The following NECTIN1 variants were observed in gnomAD, a reference collection of about 807,000 sequenced individuals.
NECTIN1 encodes the protein nectin cell adhesion molecule 1, also known as nectin-1.
In NECTIN1, 23 loss-of-function variants were observed where a neutral mutation model predicts 48.0. The ratio of observed to expected loss-of-function variants is 0.48; its 90% confidence interval spans 0.34 to 0.68. NECTIN1 has a LOEUF of 0.68. NECTIN1 is among the 30% of genes least tolerant of loss of function. The probability of loss-of-function intolerance (pLI) is 0.01; values close to 1 mark genes in which losing one functional copy is unlikely to be tolerated. For synonymous variants in NECTIN1, 270 were observed against 288.9 expected, an observed-to-expected ratio of 0.93 and a Z score of 0.66; for missense variants, 591 against 709.9, an observed-to-expected ratio of 0.83 and a Z score of 1.90.
At chr11:119,697,129 C>A (rs925852395) in intron 1 of NECTIN1, among the ~76,000 whole-genome samples, 1 of 151,714 alleles carries the variant, frequency 6.6e-6, no homozygotes, top group Non-Finnish European at 1.5e-5. Context: ...GCGGGGAGGT[C>A]GAGGTGAGGA....
At chr11:119,679,124 G>A (rs1865015329) in intron 1 of NECTIN1, among the ~76,000 whole-genome samples, 1 of 152,172 alleles carries the variant, frequency 6.6e-6, no homozygotes, top group Non-Finnish European at 1.5e-5. Context: ...ACATCACTCT[G>A]TGTTAGTAAA....
chr11:119,644,376 C>G (rs1410443814), intron 5 of NECTIN1, among the ~76,000 whole-genome samples: 2 of 152,210 alleles, frequency 1.3e-5, no homozygotes, highest in Admixed American at 6.5e-5. Flanking sequence ...AAGTAGCCAG[C>G]AATCTTCACC....
At chr11:119,697,953 A>G (rs879329926) in intron 1 of NECTIN1, among the ~76,000 whole-genome samples, 2 of 152,238 alleles carry the variant, frequency 1.3e-5, no homozygotes, top group Non-Finnish European at 2.9e-5. Flanking sequence ...GCCCAGCCTG[A>G]GTCTTCTCCC....
intron 1 of NECTIN1, among the ~76,000 whole-genome samples, chr11:119,706,276 AG>A (rs1159708846): frequency 6.6e-6 from 1 of 152,198 alleles, no homozygotes; most frequent in East Asian, 1.9e-4. Flanking sequence ...CCAAGATTAA[AG>A]GCAATTAGAC....
chr11:119,648,194 GT>G (rs2135528937), intron 5 of NECTIN1, among the ~76,000 whole-genome samples: 1 of 138,900 alleles, frequency 7.2e-6, no homozygotes, highest in South Asian at 2.5e-4. Flanking sequence ...TGGTGGTGGT[GT>G]GATGGTACTG....
chr11:119,701,205 T>C (rs891458277), intron 1 of NECTIN1, among the ~76,000 whole-genome samples: 11 of 152,196 alleles, frequency 7.2e-5, no homozygotes, highest in Admixed American at 6.5e-4. Context: ...TTGCTTGTTA[T>C]AGCTCTTGGG....
In NECTIN1 at chr11:119,661,354, G is replaced by C. The variant is rs1864660477; in HGVS notation, c.*3393C>G. The C allele has an allele frequency of 2.0e-6, 2 of 986,554 alleles. No homozygotes were observed. The highest frequency in any genetic ancestry group is 3.5e-5 in the African/African-American group (2 of 57,390). The allele number at this position is 986,554 out of a possible 1,614,324, so 61.1% of individuals were successfully genotyped here. ...TGGCCTCACAAGCTGGGCAGTGTTG[G>C]CAGCAGTGGCAGCAGCAGAGGGGCC... On this transcript the variant is annotated 3_prime_UTR_variant, in exon 6 of 6. Transcript: ENST00000264025.
chr11:119,727,816 G>A lies in NECTIN1; in HGVS notation c.79+659C>T, dbSNP rs530716373. 2.1e-4 allele frequency among the ~76,000 whole-genome samples: 32 copies of A among 152,352 alleles called. No individual in the cohort carries two copies. Among genetic ancestry groups the A allele is most frequent in the African/African-American group, 7.5e-4 (31 of 41,584 alleles). Reference sequence around the variant, plus strand: ...GTGTCTCCTCCAGGGAGAGCCCCCAGAGCTGGGAGCAGAGTTCCGAGGGGG... The same window carrying A: ...GTGTCTCCTCCAGGGAGAGCCCCCAAAGCTGGGAGCAGAGTTCCGAGGGGG... On this transcript the variant is annotated intron_variant, in intron 1 of 5. Transcript: ENST00000264025. This position sits in a 1 kb window ranked among gnomAD's most constrained non-coding sequence, Gnocchi z 4.1.
At position 119,684,559 on chromosome 11, in the gene NECTIN1, G is replaced by T. The variant is rs1865122327; in HGVS notation, c.80-5794C>A. Among the ~76,000 whole-genome samples, 1 of 152,158 alleles carries T rather than the reference G, an allele frequency of 6.6e-6. No individual in the cohort carries two copies. Among genetic ancestry groups the T allele is most frequent in the Non-Finnish European group, 1.5e-5 (1 of 68,014 alleles). ...ATGTCCGGTGAGAAACCGGCTAAGTGGTAAGTGGGAGTGACTCACCCACTG... is the reference window on the plus strand; with the variant it reads ...ATGTCCGGTGAGAAACCGGCTAAGTTGTAAGTGGGAGTGACTCACCCACTG... On this transcript the variant is annotated intron_variant, in intron 1 of 5. Coordinates refer to ENST00000264025, the MANE Select transcript of NECTIN1 (RefSeq NM_002855.5). This position sits in a 1 kb window ranked among gnomAD's most constrained non-coding sequence, Gnocchi z 5.2.
chr11:119,695,792 C>T (rs1865332359), intron 1 of NECTIN1, among the ~76,000 whole-genome samples: 3 of 152,182 alleles, frequency 2.0e-5, no homozygotes, highest in Admixed American at 6.5e-5. Flanking sequence ...GAAGTGGGAG[C>T]ACCCCCCTTT....
intron 1 of NECTIN1, among the ~76,000 whole-genome samples, chr11:119,717,238 C>A (rs918875782): frequency 1.3e-5 from 2 of 152,226 alleles, no homozygotes; most frequent in African/African-American, 4.8e-5. Flanking sequence ...GGGTGGGGAA[C>A]GGTGCTGTGG....
At chr11:119,721,668 G>C (rs115965502) in intron 1 of NECTIN1, among the ~76,000 whole-genome samples, 1 of 152,208 alleles carries the variant, frequency 6.6e-6, no homozygotes, top group South Asian at 2.1e-4. Flanking sequence ...CTGCTGCTCT[G>C]TCTAGTCCAC....
chr11:119,659,825 A>G (rs1172648326), downstream of NECTIN1, among the ~76,000 whole-genome samples: 1 of 152,226 alleles, frequency 6.6e-6, no homozygotes, highest in Non-Finnish European at 1.5e-5. Context: ...CTCTCTTCCA[A>G]TGTATTAATA....
Position 119,661,379 on chromosome 11 carries a change from C to G in NECTIN1, c.*3368G>C. ...GCAGCAGTGGCAGCAGCAGAGGGGC[C>G]TGCCTCCTGGCATCCCCGGTACTGG... On this transcript the variant is annotated 3_prime_UTR_variant, in exon 6 of 6. Transcript: ENST00000264025. The G allele has an allele frequency of 4.1e-6, 4 of 986,456 alleles. No homozygotes were observed. The highest frequency in any genetic ancestry group is 4.8e-6 in the Non-Finnish European group (4 of 830,428). 61.1% of individuals were successfully genotyped at this position (986,456 alleles called of 1,614,324 possible).
chr11:119,728,617 C>A lies in NECTIN1; in HGVS notation c.-64G>T, dbSNP rs1865959807. 6 of 1,138,276 alleles carry A rather than the reference C, an allele frequency of 5.3e-6. No homozygotes were observed. In the East Asian group the frequency reaches 1.4e-4, roughly 26 times the overall value. 70.5% of individuals were successfully genotyped at this position (1,138,276 alleles called of 1,614,324 possible). A position where few individuals can be genotyped will look rare whatever the true frequency, so the allele number is the denominator to read the frequency against. On this transcript the variant is annotated 5_prime_UTR_variant, in exon 1 of 6. Transcript: ENST00000264025. Reference sequence around the variant, plus strand: ...GCGCTCCTCGCGCAGCAGAAACCAGCCCGGAAGATGAGGGAAGATCGCTGG... The same window carrying A: ...GCGCTCCTCGCGCAGCAGAAACCAGACCGGAAGATGAGGGAAGATCGCTGG...
intron 5 of NECTIN1, among the ~76,000 whole-genome samples, chr11:119,648,985 C>G (rs2135530601): frequency 6.6e-6 from 1 of 152,318 alleles, no homozygotes; most frequent in South Asian, 2.1e-4. Flanking sequence ...AGTGGGACTC[C>G]TGCCTCACTG....
intron 1 of NECTIN1, among the ~76,000 whole-genome samples, chr11:119,704,038 A>G (rs1418782732): frequency 6.6e-6 from 1 of 152,080 alleles, no homozygotes. Flanking sequence ...CCTCCTGGCA[A>G]ATCTCCCCAG....
chr11:119,664,953 C>G lies in NECTIN1; in HGVS notation c.1348G>C (p.Glu450Gln), dbSNP rs769256224. 6.2e-7 allele frequency: 1 copy of G among 1,613,350 alleles called. No individual in the cohort carries two copies. Among genetic ancestry groups the G allele is most frequent in the Non-Finnish European group, 8.5e-7 (1 of 1,179,718 alleles). ...GGGTGGGGGCCGCCCACCTTGCGCT[C>G]GCCCCCTCCACCGCCCTCCTCCTCC... is the stretch of plus-strand genomic sequence containing the variant. ...EEEEEGGGGG[E>Q]RKVGGPHPKY... Residue 450 changes from glutamate (E) to glutamine (Q), a missense_variant, in exon 6 of 6, where the codon GAG becomes CAG. Coordinates refer to ENST00000264025, the MANE Select transcript of NECTIN1 (RefSeq NM_002855.5).
At chr11:119,671,724 C>T (rs1864863948) in intron 5 of NECTIN1, among the ~76,000 whole-genome samples, 1 of 152,188 alleles carries the variant, frequency 6.6e-6, no homozygotes, top group Admixed American at 6.5e-5. Context: ...TGGGGTCCAC[C>T]TCTGGGAAGC....
Sources: allele counts gnomAD v4.1 joint callset (sites outside exome capture counted in the v4.1 genomes callset), GRCh38; gene constraint gnomAD v4.1.1; non-coding constraint Gnocchi (gnomAD v3.1); transcripts MANE v1.5; gene names NCBI Gene and HGNC (gene_info 2026-07-23, HGNC 2026-07-21).